The following DLG2 variants were observed in gnomAD, a reference collection of about 807,000 sequenced individuals.
DLG2 encodes the protein discs large MAGUK scaffold protein 2.
Under a neutral mutation model 132.5 loss-of-function variants are expected in DLG2, and 45 were observed. The observed-to-expected ratio is 0.34, with a 90% CI of 0.27 to 0.44. The LOEUF (loss-of-function observed/expected upper bound fraction) is 0.44. Among genes scored for constraint, DLG2 ranks in the 20% least tolerant of loss-of-function variants. The pLI is 1.00. For missense variants in DLG2, 1,045 were observed against 1,196.9 expected (o/e 0.87, Z 1.87); for synonymous variants, 424 against 419.6 (o/e 1.01, Z -0.13).
intron 3 of DLG2, among the ~76,000 whole-genome samples, chr11:85,425,889 C>T (rs2090683469): frequency 6.6e-6 from 1 of 152,208 alleles, no homozygotes; most frequent in African/African-American, 2.4e-5. Context: ...CTTTCCTAGT[C>T]AAAGAAAGGA....
chr11:84,929,392 A>C (rs2047834673), intron 6 of DLG2, among the ~76,000 whole-genome samples: 1 of 152,086 alleles, frequency 6.6e-6, no homozygotes, highest in African/African-American at 2.4e-5. Flanking sequence ...AACTCAACAT[A>C]ACATATGATA....
At chr11:84,460,150 T>C (rs2099076491) in intron 7 of DLG2, among the ~76,000 whole-genome samples, 1 of 150,692 alleles carries the variant, frequency 6.6e-6, no homozygotes, top group South Asian at 2.1e-4. Flanking sequence ...TCAGATTCTA[T>C]GTTTTATGGT....
chr11:83,657,555 T>TTTC (rs2072929463), intron 18 of DLG2, among the ~76,000 whole-genome samples: 1 of 146,564 alleles, frequency 6.8e-6, no homozygotes, highest in Non-Finnish European at 1.5e-5. Flanking sequence ...TTTTTTTTTT[T>TTTC]TGAGATGGAG....
intron 6 of DLG2, among the ~76,000 whole-genome samples, chr11:85,008,136 G>A (rs1037737106): frequency 8.5e-5 from 13 of 152,056 alleles, no homozygotes; most frequent in African/African-American, 1.2e-4. Flanking sequence ...TTAGGTTTCT[G>A]CCATGAAATG....
At chr11:83,773,594 C>T (rs1341525876) in intron 18 of DLG2, among the ~76,000 whole-genome samples, 2 of 152,170 alleles carry the variant, frequency 1.3e-5, no homozygotes, top group African/African-American at 2.4e-5. Flanking sequence ...AAAATCTGCT[C>T]CCATAGAATG....
At chr11:83,837,482 C>A (rs539752624) in intron 16 of DLG2, among the ~76,000 whole-genome samples, 13 of 152,230 alleles carry the variant, frequency 8.5e-5, no homozygotes, top group African/African-American at 2.6e-4. Flanking sequence ...GCTGGTAGAG[C>A]CAGAAACCTA....
At chr11:83,659,985 T>A (rs530990557) in intron 18 of DLG2, among the ~76,000 whole-genome samples, 4 of 152,222 alleles carry the variant, frequency 2.6e-5, no homozygotes, top group Non-Finnish European at 5.9e-5. Flanking sequence ...CAGACTGGAA[T>A]ATCTGCTTAA....
intron 6 of DLG2, among the ~76,000 whole-genome samples, chr11:85,019,519 T>G (rs2059852805): frequency 6.6e-6 from 1 of 152,176 alleles, no homozygotes; most frequent in East Asian, 1.9e-4. Context: ...GTGCACAATG[T>G]GCAGGTTTGT....
intron 7 of DLG2, among the ~76,000 whole-genome samples, chr11:84,324,914 TTG>T (rs1188271455): frequency 6.6e-6 from 1 of 152,164 alleles, no homozygotes; most frequent in Non-Finnish European, 1.5e-5. Context: ...TCCAGATTTT[TTG>T]TGTGTGCAAT....
chr11:84,542,977 G>C (rs1333480415), intron 6 of DLG2, among the ~76,000 whole-genome samples: 1 of 151,990 alleles, frequency 6.6e-6, no homozygotes, highest in African/African-American at 2.4e-5. Flanking sequence ...TTTCCATGAT[G>C]CCTCAGCCTA....
intron 6 of DLG2, among the ~76,000 whole-genome samples, chr11:84,558,123 A>G (rs936880679): frequency 6.6e-6 from 1 of 152,184 alleles, no homozygotes; most frequent in Non-Finnish European, 1.5e-5. Context: ...TTTTAACTCT[A>G]GTATTCATTA....
chr11:85,472,700 C>A (rs2093024244), intron 3 of DLG2, among the ~76,000 whole-genome samples: 2 of 152,208 alleles, frequency 1.3e-5, no homozygotes, highest in Admixed American at 1.3e-4. Context: ...TGGGACCCGC[C>A]AAAAGGCAGG....
intron 6 of DLG2, among the ~76,000 whole-genome samples, chr11:84,979,882 G>A (rs1416518064): frequency 6.6e-6 from 1 of 151,780 alleles, no homozygotes; most frequent in Non-Finnish European, 1.5e-5. Context: ...ACAAGTATGT[G>A]TTTACTTGTG....
intron 19 of DLG2, among the ~76,000 whole-genome samples, chr11:83,591,361 CAGCATATAAACAG>C (rs2097184037): frequency 8.5e-6 from 1 of 117,228 alleles, no homozygotes; most frequent in Admixed American, 9.9e-5. Context: ...AAATGTAATC[CAGCATATAAACAG>C]AGCCAAAGAC....
intron 14 of DLG2, among the ~76,000 whole-genome samples, chr11:83,950,628 G>T (rs1051960059): frequency 1.3e-5 from 2 of 152,264 alleles, no homozygotes; most frequent in East Asian, 3.9e-4. Flanking sequence ...TAAGCAAATG[G>T]CTTGGGCCAC....
chr11:84,600,469 G>A (rs892581653), intron 6 of DLG2, among the ~76,000 whole-genome samples: 1 of 152,082 alleles, frequency 6.6e-6, no homozygotes, highest in Admixed American at 6.6e-5. Context: ...CAATACTGTG[G>A]GGACAGCAGA....
intron 7 of DLG2, among the ~76,000 whole-genome samples, chr11:84,379,572 T>C (rs2098742176): frequency 6.6e-6 from 1 of 151,966 alleles, no homozygotes; most frequent in Non-Finnish European, 1.5e-5. Context: ...TGTAGAAACA[T>C]AGGTAGCTCA....
At chr11:83,756,554 T>G (rs2093655488) in intron 18 of DLG2, among the ~76,000 whole-genome samples, 1 of 151,440 alleles carries the variant, frequency 6.6e-6, no homozygotes. Flanking sequence ...GCTGTGAGCC[T>G]GAACAGATCA....
chr11:85,395,983 T>C (rs575355009), intron 3 of DLG2, among the ~76,000 whole-genome samples: 1 of 152,294 alleles, frequency 6.6e-6, no homozygotes, highest in Non-Finnish European at 1.5e-5. Flanking sequence ...CTGACCCCTG[T>C]GTAGCCTGAC....
Sources: allele counts gnomAD v4.1 joint callset (sites outside exome capture counted in the v4.1 genomes callset), GRCh38; gene constraint gnomAD v4.1.1; transcripts MANE v1.5; gene names NCBI Gene and HGNC (gene_info 2026-07-23, HGNC 2026-07-21).